Variants in DOCK10 observed in about 807,000 individuals in gnomAD.
DOCK10 encodes dedicator of cytokinesis protein 10.
A neutral mutation model predicts 280.1 loss-of-function variants in DOCK10; 145 were observed. That is an observed-to-expected ratio of 0.52 (90% CI 0.45 to 0.59). The LOEUF is 0.59. Ranked by LOEUF, DOCK10 falls within the 20% of genes least tolerant of loss-of-function variation. The pLI, the probability that DOCK10 is intolerant of heterozygous loss-of-function variation, is 0.00. For missense variants in DOCK10, 2,368 were observed against 2,651.7 expected (o/e 0.89, Z 2.35); for synonymous variants, 915 against 942.2 (o/e 0.97, Z 0.53).
At chr2:224,870,280 C>G (rs1698185836) in intron 11 of DOCK10, among the ~76,000 whole-genome samples, 1 of 152,198 alleles carries the variant, frequency 6.6e-6, no homozygotes, top group South Asian at 2.1e-4. Flanking sequence ...TCATGCTGAA[C>G]TGTGAGTCAA....
chr2:224,961,611 A>G (rs1365573069), intron 1 of DOCK10, among the ~76,000 whole-genome samples: 3 of 149,870 alleles, frequency 2.0e-5, no homozygotes, highest in African/African-American at 7.4e-5. Flanking sequence ...GGTTCAAGCG[A>G]TTCTCCTGCC....
intron 1 of DOCK10, among the ~76,000 whole-genome samples, chr2:225,030,601 G>T (rs1457730235): frequency 1.3e-5 from 2 of 152,172 alleles, no homozygotes; most frequent in Admixed American, 1.3e-4. Context: ...GAGGACAGGG[G>T]CTGGTGTTGG....
chr2:225,033,124 T>C (rs1048116803), intron 1 of DOCK10, among the ~76,000 whole-genome samples: 1 of 152,200 alleles, frequency 6.6e-6, no homozygotes, highest in Non-Finnish European at 1.5e-5. Flanking sequence ...GAAATTGAAT[T>C]AGAAATACAG....
intron 1 of DOCK10, among the ~76,000 whole-genome samples, chr2:224,938,596 T>G (rs1169616124): frequency 1.3e-5 from 2 of 152,178 alleles, no homozygotes; most frequent in East Asian, 3.8e-4. Context: ...ATTTCAGTGT[T>G]ATATCAAGAT....
At chr2:224,905,414 A>T (rs900010884) in intron 3 of DOCK10, among the ~76,000 whole-genome samples, 13 of 151,090 alleles carry the variant, frequency 8.6e-5, no homozygotes, top group African/African-American at 2.9e-4. Context: ...CGCCCGGCTA[A>T]TTTTTTTTGT....
chr2:224,792,423 A>G (rs1327600848), intron 47 of DOCK10, among the ~76,000 whole-genome samples: 1 of 152,068 alleles, frequency 6.6e-6, no homozygotes, highest in Non-Finnish European at 1.5e-5. Flanking sequence ...AGCTGGGATA[A>G]CAGGTGCCTG....
intron 3 of DOCK10, among the ~76,000 whole-genome samples, chr2:224,907,315 G>A (rs1700708073): frequency 6.6e-6 from 1 of 152,084 alleles, no homozygotes; most frequent in Non-Finnish European, 1.5e-5. Context: ...ACCATCACTG[G>A]GGCTTGTGCC....
At chr2:224,961,418 CTTTCTT>C (rs1270804806) in intron 1 of DOCK10, among the ~76,000 whole-genome samples, 171 of 100,252 alleles carry the variant, frequency 1.7e-3, no homozygotes, top group African/African-American at 6.2e-3. Flanking sequence ...CTTTCTCTTT[CTTTCTT>C]TCTTTCTTTC....
chr2:224,786,623 G>A lies in DOCK10; in HGVS notation c.5655+399C>T, dbSNP rs908908698. ...AAAATCAAAGGTTTGATATGGTGGA[G>A]CCCCTAGGAATTCTCTTATTTCCTA... On this transcript the variant is annotated intron_variant, in intron 50 of 55. Coordinates refer to ENST00000258390, the MANE Select transcript of DOCK10 (RefSeq NM_014689.3). This position sits in a 1 kb window ranked among gnomAD's most constrained non-coding sequence, Gnocchi z 4.7. Among the ~76,000 whole-genome samples, 1 of 152,174 alleles carries A rather than the reference G, an allele frequency of 6.6e-6. No homozygotes were observed. Among genetic ancestry groups the A allele is most frequent in the African/African-American group, 2.4e-5 (1 of 41,442 alleles).
intron 1 of DOCK10, among the ~76,000 whole-genome samples, chr2:224,938,387 T>C (rs948874523): frequency 5.9e-5 from 9 of 152,118 alleles, no homozygotes; most frequent in African/African-American, 2.2e-4. Flanking sequence ...TAACAAAAAA[T>C]AGGTATTTAG....
chr2:225,018,119 T>C (rs1044412386), intron 1 of DOCK10, among the ~76,000 whole-genome samples: 6 of 152,204 alleles, frequency 3.9e-5, no homozygotes, highest in African/African-American at 1.2e-4. Flanking sequence ...CGACTCACTT[T>C]GCGAATGCAG....
intron 50 of DOCK10, among the ~76,000 whole-genome samples, chr2:224,780,290 T>C (rs1227111687): frequency 6.6e-6 from 1 of 151,992 alleles, no homozygotes; most frequent in Non-Finnish European, 1.5e-5. Context: ...GCCTGCTATG[T>C]TTTTTTTCTG....
intron 3 of DOCK10, among the ~76,000 whole-genome samples, chr2:224,911,532 G>A (rs550989139): frequency 4.6e-5 from 7 of 152,156 alleles, no homozygotes; most frequent in Non-Finnish European, 8.8e-5. Flanking sequence ...AGAGATTGGG[G>A]GTGAAGGTTC....
chr2:224,875,261 T>C (rs1483742935), intron 8 of DOCK10, among the ~76,000 whole-genome samples: 1 of 152,184 alleles, frequency 6.6e-6, no homozygotes, highest in African/African-American at 2.4e-5. Context: ...CAGCAATAGT[T>C]TTTTTCCATA....
intron 3 of DOCK10, among the ~76,000 whole-genome samples, chr2:224,915,778 T>C (rs1203958248): frequency 6.6e-6 from 1 of 152,238 alleles, no homozygotes. Flanking sequence ...ATTTATTCAG[T>C]AAACATCTGC....
intron 1 of DOCK10, among the ~76,000 whole-genome samples, chr2:224,996,568 C>A (rs1706277292): frequency 6.6e-6 from 1 of 152,178 alleles, no homozygotes; most frequent in Admixed American, 6.5e-5. Flanking sequence ...AGGGACTATT[C>A]ACAGACAGAA....
At chr2:224,895,299 A>C (rs1224636196) in intron 4 of DOCK10, among the ~76,000 whole-genome samples, 2 of 152,218 alleles carry the variant, frequency 1.3e-5, no homozygotes, top group Non-Finnish European at 2.9e-5. Context: ...ATTCTGTACC[A>C]TGTGTCTATT....
At chr2:224,859,010 G>C (rs138793703) in intron 14 of DOCK10, among the ~76,000 whole-genome samples, 53 of 152,326 alleles carry the variant, frequency 3.5e-4, no homozygotes, top group African/African-American at 1.3e-3. Context: ...ACACATAAAA[G>C]TGGTTTTCAG....
intron 50 of DOCK10, chr2:224,784,851 T>C: frequency 9.4e-7 from 1 of 1,059,248 alleles, no homozygotes; most frequent in Non-Finnish European, 1.3e-6. Context: ...ATCTCATATA[T>C]TGGTTGCAGA....
Sources: allele counts gnomAD v4.1 joint callset (sites outside exome capture counted in the v4.1 genomes callset), GRCh38; gene constraint gnomAD v4.1.1; non-coding constraint Gnocchi (gnomAD v3.1); transcripts MANE v1.5; gene names NCBI Gene and HGNC (gene_info 2026-07-23, HGNC 2026-07-21).